POLR1C: variants seen among roughly 807,000 people sequenced by gnomAD.
The protein encoded by POLR1C is DNA-directed RNA polymerases I and III subunit RPAC1.
Under a neutral mutation model 38.3 loss-of-function variants are expected in POLR1C, and 42 were observed. That is an observed-to-expected ratio of 1.10 (90% CI 0.86 to 1.42). POLR1C has a LOEUF of 1.42. Ranked by LOEUF, POLR1C falls within the 40% of genes most tolerant of loss-of-function variation. The pLI, the probability that POLR1C is intolerant of heterozygous loss-of-function variation, is 0.00. For synonymous variants in POLR1C, 163 were observed against 163.9 expected (o/e 0.99, Z 0.04); for missense variants, 507 against 450.5 (o/e 1.13, Z -1.14).
intron 10 of POLR1C, among the ~76,000 whole-genome samples, chr6:43,559,982 A>G (rs551929800): frequency 6.6e-6 from 1 of 152,212 alleles, no homozygotes; most frequent in East Asian, 1.9e-4. Flanking sequence ...ATGCCCTGCT[A>G]ATTTTTTTGT....
At chr6:43,540,428 G>T (rs148093093) in intron 9 of POLR1C, among the ~76,000 whole-genome samples, 6 of 152,054 alleles carry the variant, frequency 3.9e-5, no homozygotes, top group African/African-American at 1.4e-4. Context: ...GCAGTGAGCC[G>T]AGATGGCGCC....
intron 9 of POLR1C, among the ~76,000 whole-genome samples, chr6:43,544,775 A>T (rs142155809): frequency 6.6e-6 from 1 of 152,286 alleles, no homozygotes; most frequent in East Asian, 1.9e-4. Context: ...GATAGAAATA[A>T]GCCTCTTCTT....
intron 9 of POLR1C, among the ~76,000 whole-genome samples, chr6:43,537,346 A>C (rs1794403679): frequency 6.6e-6 from 1 of 152,196 alleles, no homozygotes; most frequent in East Asian, 1.9e-4. Flanking sequence ...TAAAGGCTAA[A>C]CCTTTACTAT....
chr6:43,517,239 G>A, intron 1 of POLR1C, 61 bp downstream of exon 1: 1 of 1,608,824 alleles, frequency 6.2e-7, no homozygotes, highest in Non-Finnish European at 8.5e-7. Context: ...GATGGGTCTT[G>A]GGATTGGCGT....
At position 43,551,130 on chromosome 6, in the gene POLR1C, C is replaced by G. The variant is rs1268972016; in HGVS notation, c.*48+119C>G. On this transcript the variant is annotated intron_variant, in intron 10 of 10. Coordinates refer to the POLR1C transcript ENST00000607635. Reference sequence around the variant, plus strand: ...CCTAGGCCAGGCATGGTTGTGCATGCTTGTAGTCTCAGCTACTCAGAAGGG... The same window carrying G: ...CCTAGGCCAGGCATGGTTGTGCATGGTTGTAGTCTCAGCTACTCAGAAGGG... 4 of 583,138 alleles carry G rather than the reference C, an allele frequency of 6.9e-6. No homozygotes were observed. In the African/African-American group the frequency reaches 7.7e-5, roughly 11 times the overall value. 36.1% of individuals were successfully genotyped at this position (583,138 alleles called of 1,614,324 possible). A position where few individuals can be genotyped will look rare whatever the true frequency, so the allele number is the denominator to read the frequency against.
rs1156884252 is a variant in POLR1C at position 43,536,758 on chromosome 6, T to TAAAA, written c.*4+7428_*4+7431dup. Among the ~76,000 whole-genome samples the TAAAA allele has an allele frequency of 5.0e-3, 96 of 19,100 alleles. 10 individuals are homozygous for TAAAA. Among genetic ancestry groups the TAAAA allele is most frequent in the African/African-American group, 9.3e-3 (38 of 4,094 alleles). The allele number at this position is 19,100 out of a possible 152,430, so 12.5% of individuals were successfully genotyped here. On this transcript the variant is annotated intron_variant, in intron 9 of 10. Transcript: ENST00000607635. ...CTGGACGACAGAGTGAGACTCTATC[T>TAAAA]AAAAAAAAAAAAAAAAAAAAAAAAA...
chr6:43,517,407 G>T (rs780403104), intron 2 of POLR1C, 30 bp downstream of exon 2: 1 of 1,592,162 alleles, frequency 6.3e-7, no homozygotes, highest in Non-Finnish European at 8.6e-7. Context: ...TCTGGGGAGG[G>T]TTATGAAGGC....
chr6:43,550,199 T>C (rs942662417), intron 9 of POLR1C, among the ~76,000 whole-genome samples: 2 of 152,226 alleles, frequency 1.3e-5, no homozygotes, highest in African/African-American at 2.4e-5. Flanking sequence ...ACCCAAGCAC[T>C]TGGCTATGGA....
At position 43,520,197 on chromosome 6, in the gene POLR1C, T is replaced by C; in HGVS notation, c.502+12T>C. On this transcript the variant is annotated intron_variant, in intron 5 of 8. Transcript: ENST00000642195. ...CGTGAACCACAAAGGTGAGTAGTGG[T>C]AGGGTGAGGAAGAGGCCCCACCTGT... is the stretch of plus-strand genomic sequence containing the variant. 6.2e-7 allele frequency: 1 copy of C among 1,614,180 alleles called. No homozygotes were observed. Among genetic ancestry groups the C allele is most frequent in the Non-Finnish European group, 8.5e-7 (1 of 1,180,038 alleles).
At chr6:43,551,130 C>T (rs1268972016) in intron 10 of POLR1C, 5 of 583,138 alleles carry the variant, frequency 8.6e-6, no homozygotes, top group African/African-American at 7.7e-5. Flanking sequence ...GTTGTGCATG[C>T]TTGTAGTCTC....
intron 10 of POLR1C, chr6:43,553,717 G>A: frequency 1.0e-6 from 1 of 992,964 alleles, no homozygotes; most frequent in South Asian, 2.6e-5. Context: ...TTCCTACCAT[G>A]CCTCCTCCTC....
At chr6:43,525,176 G>A, downstream of POLR1C, 1 of 1,584,118 alleles carries the variant, frequency 6.3e-7, no homozygotes, top group Non-Finnish European at 8.6e-7. Context: ...TCCAGGCCAG[G>A]GAATTGAAGG....
intron 10 of POLR1C, chr6:43,551,309 C>T: frequency 6.2e-7 from 1 of 1,612,048 alleles, no homozygotes. Flanking sequence ...TTAGAGAAGA[C>T]CTGGGGCAGG....
downstream of POLR1C, chr6:43,525,806 G>T (rs1260659694): frequency 3.1e-6 from 5 of 1,607,726 alleles, no homozygotes; most frequent in Non-Finnish European, 4.3e-6. Flanking sequence ...ACCTGGGCAA[G>T]GAGTAAAGGT....
At chr6:43,539,565 C>T in intron 9 of POLR1C, 8 of 1,374,104 alleles carry the variant, frequency 5.8e-6, no homozygotes, top group Non-Finnish European at 8.1e-6. Flanking sequence ...GCTCCGCGGC[C>T]TCAGCCCCGG....
Position 43,561,028 on chromosome 6 carries a change from A to G in POLR1C, c.*49-372A>G, listed in dbSNP as rs757316256. On this transcript the variant is annotated intron_variant, in intron 10 of 10. Transcript: ENST00000607635. ...GCACCCTGTAGGAGAAGACCACTAT[A>G]TTAACGGTGTTGATCGAGAAAAGCA... The G allele has an allele frequency of 3.1e-6, 5 of 1,588,310 alleles. No homozygotes were observed. The South Asian group carries it at 4.4e-5, about 14-fold the overall frequency.
chr6:43,561,124 C>CAAAGTCCT, intron 10 of POLR1C: 1 of 827,784 alleles, frequency 1.2e-6, no homozygotes, highest in Non-Finnish European at 2.0e-6. Context: ...TTCAAAAGGA[C>CAAAGTCCT]TTTGTATTTC....
downstream of POLR1C, chr6:43,525,316 C>G: frequency 1.8e-6 from 2 of 1,127,866 alleles, no homozygotes; most frequent in East Asian, 5.2e-5. Flanking sequence ...TTTTCCTCCC[C>G]CCCTCTAAAG....
In POLR1C at chr6:43,551,120, G is replaced by C. The variant is rs55776932; in HGVS notation, c.*48+109G>C. The C allele has an allele frequency of 0.062, 31,566 of 509,722 alleles. 1,291 individuals are homozygous for C. The highest frequency in any genetic ancestry group is 0.11 in the Middle Eastern group (191 of 1,814). 31.6% of individuals were successfully genotyped at this position (509,722 alleles called of 1,614,324 possible). On this transcript the variant is annotated intron_variant, in intron 10 of 10. Transcript: ENST00000607635. The stretch of plus-strand genomic sequence containing the variant: ...AAATAATTAGCCTAGGCCAGGCATG[G>C]TTGTGCATGCTTGTAGTCTCAGCTA...
Sources: allele counts gnomAD v4.1 joint callset (sites outside exome capture counted in the v4.1 genomes callset), GRCh38; gene constraint gnomAD v4.1.1; transcripts MANE v1.5; gene names NCBI Gene and HGNC (gene_info 2026-07-23, HGNC 2026-07-21).